The following FRMPD2 variants were observed in gnomAD, a reference collection of about 807,000 sequenced individuals.
FRMPD2 encodes the protein FERM and PDZ domain-containing protein 2.
In FRMPD2, 96 loss-of-function variants were observed where a neutral mutation model predicts 140.1. The ratio of observed to expected loss-of-function variants is 0.69; its 90% CI spans 0.58 to 0.81. FRMPD2 has a LOEUF of 0.81. Among genes scored for constraint, FRMPD2 ranks in the 40% least tolerant of loss-of-function variants. The pLI is 0.00. For synonymous variants in FRMPD2, 449 were observed against 547.6 expected (o/e 0.82, Z 2.52); for missense variants, 1,240 against 1,447.4 (o/e 0.86, Z 2.32).
At chr10:48,268,233 A>C (rs1840710891) in intron 1 of FRMPD2, among the ~76,000 whole-genome samples, 1 of 152,196 alleles carries the variant, frequency 6.6e-6, no homozygotes, top group East Asian at 1.9e-4. Context: ...GACAATACCA[A>C]ATGCTTATGA....
chr10:48,251,460 C>T, intron 2 of FRMPD2, 106 bp downstream of exon 2: 1 of 1,376,118 alleles, frequency 7.3e-7, no homozygotes, highest in African/African-American at 1.7e-5. Context: ...TTGTTCTGTG[C>T]TCTCAGAGGT....
chr10:48,185,436 G>A, intron 18 of FRMPD2, 117 bp downstream of exon 18: 1 of 720,996 alleles, frequency 1.4e-6, no homozygotes, highest in Non-Finnish European at 2.5e-6. Context: ...AGAAAAGGCA[G>A]ACTGGGAGAG....
chr10:48,255,375 C>T (rs1054583776), intron 1 of FRMPD2, among the ~76,000 whole-genome samples: 2 of 152,206 alleles, frequency 1.3e-5, no homozygotes, highest in African/African-American at 4.8e-5. Context: ...AATCTTTTCC[C>T]TGCCCTTGAT....
At chr10:48,216,425 G>A (rs1839452748) in intron 12 of FRMPD2, among the ~76,000 whole-genome samples, 1 of 152,114 alleles carries the variant, frequency 6.6e-6, no homozygotes, top group Admixed American at 6.5e-5. Flanking sequence ...GAACCCTGGG[G>A]CAAGAGACTC....
intron 13 of FRMPD2, among the ~76,000 whole-genome samples, chr10:48,211,150 G>C (rs1228252590): frequency 6.6e-6 from 1 of 152,256 alleles, no homozygotes; most frequent in Admixed American, 6.5e-5. Flanking sequence ...TGGGGACAAA[G>C]AGCATGTGCT....
intron 12 of FRMPD2, among the ~76,000 whole-genome samples, chr10:48,215,374 G>A (rs981511997): frequency 7.9e-5 from 12 of 152,298 alleles, no homozygotes; most frequent in African/African-American, 2.6e-4. Flanking sequence ...CCTTTGAAGT[G>A]TCCATTGCAG....
intron 1 of FRMPD2, 70 bp from the exon 2 acceptor site, chr10:48,251,761 A>T: frequency 6.3e-7 from 1 of 1,578,788 alleles, no homozygotes; most frequent in Non-Finnish European, 8.7e-7. Flanking sequence ...CGTACTCGCC[A>T]CTCTGGTGCA....
chr10:48,163,376 T>C lies in FRMPD2; in HGVS notation c.3833A>G (p.Asp1278Gly). 1.0e-6 allele frequency: 1 copy of C among 997,812 alleles called. No homozygotes were observed. Among genetic ancestry groups the C allele is most frequent in the Non-Finnish European group, 1.6e-6 (1 of 624,408 alleles). The allele number at this position is 997,812 out of a possible 1,614,324, so 61.8% of individuals were successfully genotyped here. A position where few individuals can be genotyped will look rare whatever the true frequency, so the allele number is the denominator to read the frequency against. ...ESTLATSLEK[D>G]VRQNCYSVCD... ...AACTGAATAGCAGTTTTGCCTCACA[T>C]CCTTTTCCAAAGAGGTCGCCAATGT... Residue 1278 changes from aspartate to glycine, a missense_variant, in exon 28 of 29, where the codon GAT becomes GGT. Asp to Gly is a moderately conservative substitution (Grantham distance 94). This residue lies in a region of FRMPD2 where 30 missense variants were observed against 227.5 expected (regional missense o/e 0.13). Transcript: ENST00000374201.
chr10:48,205,846 GA>G (rs1839187235), intron 14 of FRMPD2, among the ~76,000 whole-genome samples: 2 of 152,030 alleles, frequency 1.3e-5, no homozygotes, highest in African/African-American at 2.4e-5. Context: ...TCAAAGCCAA[GA>G]TGGAAGAAAT....
intron 15 of FRMPD2, 172 bp from the exon 16 acceptor site, chr10:48,193,066 A>T (rs1418998749): frequency 3.3e-6 from 2 of 606,148 alleles, no homozygotes; most frequent in Non-Finnish European, 5.8e-6. Flanking sequence ...CCTAATTAGC[A>T]CTTGCTAATG....
At chr10:48,173,541 G>C (rs879997094) in intron 24 of FRMPD2, among the ~76,000 whole-genome samples, 19 of 151,698 alleles carry the variant, frequency 1.3e-4, no homozygotes, top group Admixed American at 9.8e-4. Flanking sequence ...CCAGTGACCC[G>C]CTGGGCCGTG....
chr10:48,216,956 G>A (rs1378031376), intron 12 of FRMPD2, among the ~76,000 whole-genome samples: 1 of 152,174 alleles, frequency 6.6e-6, no homozygotes, highest in Non-Finnish European at 1.5e-5. Flanking sequence ...GAGTTCAAGG[G>A]TAAGCAGTGA....
chr10:48,172,619 A>G (rs1390637322), intron 25 of FRMPD2, among the ~76,000 whole-genome samples: 5 of 151,302 alleles, frequency 3.3e-5, no homozygotes, highest in East Asian at 2.0e-4. Flanking sequence ...AGCCAAATGT[A>G]TCTGAAAGTG....
intron 9 of FRMPD2, among the ~76,000 whole-genome samples, chr10:48,236,008 C>T (rs1190483771): frequency 6.6e-6 from 1 of 152,094 alleles, no homozygotes; most frequent in Non-Finnish European, 1.5e-5. Flanking sequence ...ACTCTCCCTC[C>T]TACCACCTGC....
intron 1 of FRMPD2, among the ~76,000 whole-genome samples, chr10:48,273,646 C>T (rs1303953089): frequency 2.0e-5 from 3 of 152,108 alleles, no homozygotes; most frequent in African/African-American, 4.8e-5. Flanking sequence ...TTGCTATCAC[C>T]GCCAGTTTTC....
chr10:48,197,356 C>T (rs1368002036), intron 15 of FRMPD2, among the ~76,000 whole-genome samples: 2 of 152,070 alleles, frequency 1.3e-5, no homozygotes, highest in Non-Finnish European at 2.9e-5. Flanking sequence ...CCTTCCCACT[C>T]GAGCACAATA....
intron 18 of FRMPD2, 122 bp from the exon 19 acceptor site, chr10:48,185,003 A>T (rs910213046): frequency 1.5e-5 from 10 of 653,910 alleles, no homozygotes; most frequent in Non-Finnish European, 2.6e-5. Context: ...AGTTACAGTC[A>T]GGTCTTCTGA....
At chr10:48,163,284 A>G in intron 28 of FRMPD2, 44 bp downstream of exon 28, 1 of 1,362,744 alleles carries the variant, frequency 7.3e-7, no homozygotes. Context: ...TAGCAATGAG[A>G]TGCACACAGT....
chr10:48,182,024 T>G (rs536226791), intron 20 of FRMPD2, among the ~76,000 whole-genome samples: 2 of 151,980 alleles, frequency 1.3e-5, no homozygotes, highest in Middle Eastern at 3.4e-3. Flanking sequence ...CAGTTAGATT[T>G]TCTTTAGACC....
Sources: gnomAD v4.1 joint callset for allele counts (sites outside exome capture counted in the v4.1 genomes callset) on GRCh38, gnomAD v4.1.1 for gene constraint, gnomAD v4.1.1 regional missense constraint, MANE v1.5 for transcripts, NCBI Gene and HGNC (gene_info 2026-07-23, HGNC 2026-07-21) for gene names.